The following NWD2 variants were observed in gnomAD, a reference collection of about 807,000 sequenced individuals.
NWD2 encodes NACHT and WD repeat domain containing 2.
In NWD2, 37 loss-of-function variants were observed where a neutral mutation model predicts 132.7. The observed-to-expected ratio is 0.28, with a 90% CI of 0.21 to 0.37. The LOEUF (loss-of-function observed/expected upper bound fraction) is 0.37. NWD2 is among the 10% of genes least tolerant of loss of function. NWD2 has a pLI of 1.00. For synonymous variants in NWD2, 705 were observed against 803.0 expected (o/e 0.88, Z 2.06); for missense variants, 1,592 against 2,122.4 (o/e 0.75, Z 4.91).
At chr4:37,415,035 T>C (rs942424233) in intron 3 of NWD2, among the ~76,000 whole-genome samples, 1 of 152,218 alleles carries the variant, frequency 6.6e-6, no homozygotes, top group Non-Finnish European at 1.5e-5. Context: ...CTACATTCAA[T>C]GTCCTTTATT....
intron 1 of NWD2, among the ~76,000 whole-genome samples, chr4:37,284,086 T>C (rs1382231701): frequency 6.6e-6 from 1 of 152,224 alleles, no homozygotes; most frequent in Non-Finnish European, 1.5e-5. Context: ...TATAACAAAA[T>C]ACCATATATT....
chr4:37,298,070 T>G (rs1476829239), intron 1 of NWD2, among the ~76,000 whole-genome samples: 1 of 152,106 alleles, frequency 6.6e-6, no homozygotes, highest in Non-Finnish European at 1.5e-5. Context: ...ATTGTTGGGT[T>G]TAGACTTATG....
In NWD2 at chr4:37,245,014, A is replaced by T. The variant is rs979388074; in HGVS notation, c.-54A>T. On this transcript the variant is annotated 5_prime_UTR_variant, in exon 1 of 7. Coordinates refer to ENST00000309447, the MANE Select transcript of NWD2 (RefSeq NM_001144990.2). ...CCGTTCCGTGGAGCTGCGGGCAGGAACCCGAGGAGCAGGAGGTGGCGGCGG... is the reference window on the plus strand; with the variant it reads ...CCGTTCCGTGGAGCTGCGGGCAGGATCCCGAGGAGCAGGAGGTGGCGGCGG... The T allele has an allele frequency of 6.5e-7, 1 of 1,537,000 alleles. No homozygotes were observed. Among genetic ancestry groups the T allele is most frequent in the African/African-American group, 1.4e-5 (1 of 72,712 alleles).
At chr4:37,297,106 TCA>T (rs1244740106) in intron 1 of NWD2, among the ~76,000 whole-genome samples, 45 of 152,148 alleles carry the variant, frequency 3.0e-4, no homozygotes, top group Admixed American at 2.9e-3. Flanking sequence ...TGTGTGTATA[TCA>T]CACACAGTAT....
chr4:37,274,398 G>T (rs1717944437), intron 1 of NWD2, among the ~76,000 whole-genome samples: 1 of 152,078 alleles, frequency 6.6e-6, no homozygotes, highest in South Asian at 2.1e-4. Context: ...TTGAATCTCT[G>T]AATAGACCAA....
At chr4:37,406,592 T>A (rs150180274) in intron 3 of NWD2, among the ~76,000 whole-genome samples, 3 of 152,154 alleles carry the variant, frequency 2.0e-5, no homozygotes, top group Non-Finnish European at 2.9e-5. Flanking sequence ...ACATATACAC[T>A]ATGGAATACT....
Position 37,284,068 on chromosome 4 carries a change from T to C in NWD2, c.151+38850T>C, listed in dbSNP as rs546658323. Among the ~76,000 whole-genome samples the C allele has an allele frequency of 2.0e-5, 3 of 152,368 alleles. No individual in the cohort carries two copies. In the South Asian group the frequency reaches 6.2e-4, roughly 32 times the overall value. ...TATAGACCATTTATCTTAGTCTGTTTGGACTGTTATAACAAAATACCATAT... is the reference window on the plus strand; with the variant it reads ...TATAGACCATTTATCTTAGTCTGTTCGGACTGTTATAACAAAATACCATAT... On this transcript the variant is annotated intron_variant, in intron 1 of 6. Coordinates refer to ENST00000309447, the MANE Select transcript of NWD2 (RefSeq NM_001144990.2).
chr4:37,433,751 C>A, intron 4 of NWD2, 125 bp from the exon 5 acceptor site: 1 of 638,942 alleles, frequency 1.6e-6, no homozygotes, highest in Non-Finnish European at 2.6e-6. Flanking sequence ...TAGACACTGT[C>A]TGTAAAGCAC....
At position 37,447,399 on chromosome 4, in the gene NWD2, G is replaced by A; in HGVS notation, c.*182G>A. 1 of 593,664 alleles carries A rather than the reference G, an allele frequency of 1.7e-6. No homozygotes were observed. The highest frequency in any genetic ancestry group is 3.0e-6 in the Non-Finnish European group (1 of 337,410). 36.8% of individuals were successfully genotyped at this position (593,664 alleles called of 1,614,324 possible). A position where few individuals can be genotyped will look rare whatever the true frequency, so the allele number is the denominator to read the frequency against. On this transcript the variant is annotated 3_prime_UTR_variant, in exon 7 of 7. Coordinates refer to ENST00000309447, the MANE Select transcript of NWD2 (RefSeq NM_001144990.2). ...TCTTGGGTGTGGTCTTTTTGTCAAAGTGTATCCAGAATGTCAGAATTTCTA... is the reference window on the plus strand; with the variant it reads ...TCTTGGGTGTGGTCTTTTTGTCAAAATGTATCCAGAATGTCAGAATTTCTA...
intron 2 of NWD2, among the ~76,000 whole-genome samples, chr4:37,345,586 T>C (rs1012809493): frequency 6.6e-6 from 1 of 152,210 alleles, no homozygotes; most frequent in Non-Finnish European, 1.5e-5. Context: ...GAGTTCTTTA[T>C]GTATTCTAGA....
At chr4:37,250,727 C>T (rs1717341091) in intron 1 of NWD2, among the ~76,000 whole-genome samples, 1 of 152,220 alleles carries the variant, frequency 6.6e-6, no homozygotes, top group Non-Finnish European at 1.5e-5. Flanking sequence ...TTAGAACTCA[C>T]TACAGTCATG....
intron 1 of NWD2, among the ~76,000 whole-genome samples, chr4:37,318,988 T>C (rs1190068625): frequency 6.6e-6 from 1 of 152,228 alleles, no homozygotes; most frequent in Admixed American, 6.5e-5. Flanking sequence ...CTTTTGGATA[T>C]GTACCCAGTC....
intron 1 of NWD2, among the ~76,000 whole-genome samples, chr4:37,318,787 T>C (rs985006964): frequency 3.3e-5 from 5 of 152,190 alleles, no homozygotes; most frequent in Non-Finnish European, 7.3e-5. Context: ...GCTGTATCCA[T>C]GTTGCTGCAA....
chr4:37,285,086 A>C (rs1033732149), intron 1 of NWD2, among the ~76,000 whole-genome samples: 18 of 151,756 alleles, frequency 1.2e-4, no homozygotes, highest in Non-Finnish European at 2.1e-4. Flanking sequence ...CAATGTTAAC[A>C]CTCGTTTCTA....
intron 2 of NWD2, among the ~76,000 whole-genome samples, chr4:37,332,663 A>G (rs1262523786): frequency 6.6e-6 from 1 of 152,208 alleles, no homozygotes; most frequent in African/African-American, 2.4e-5. Flanking sequence ...GCACATTCCC[A>G]GCTGTGGTGG....
At chr4:37,251,087 T>G (rs1231132038) in intron 1 of NWD2, among the ~76,000 whole-genome samples, 2 of 152,206 alleles carry the variant, frequency 1.3e-5, no homozygotes, top group East Asian at 3.9e-4. Context: ...GAGACCAGCC[T>G]GGCCAGCATG....
chr4:37,377,016 TC>T (rs1462255282), intron 3 of NWD2, among the ~76,000 whole-genome samples: 1 of 152,200 alleles, frequency 6.6e-6, no homozygotes, highest in East Asian at 1.9e-4. Flanking sequence ...CCATCTAGCC[TC>T]TGAAACATTT....
intron 1 of NWD2, among the ~76,000 whole-genome samples, chr4:37,301,226 T>C (rs900062283): frequency 6.6e-6 from 1 of 152,140 alleles, no homozygotes; most frequent in Non-Finnish European, 1.5e-5. Context: ...GTATTTTTTC[T>C]CTGGCTGTTT....
chr4:37,297,590 CAGTTGTCCCAAT>C (rs1487263863), intron 1 of NWD2, among the ~76,000 whole-genome samples: 3 of 152,202 alleles, frequency 2.0e-5, no homozygotes, highest in African/African-American at 7.2e-5. Context: ...TAGGAACTAC[CAGTTGTCCCAAT>C]AATACTGGAT....
Sources: gnomAD v4.1 joint callset for allele counts (sites outside exome capture counted in the v4.1 genomes callset) on GRCh38, gnomAD v4.1.1 for gene constraint, MANE v1.5 for transcripts, NCBI Gene and HGNC (gene_info 2026-07-23, HGNC 2026-07-21) for gene names.